The following ARHGAP32 variants were observed in gnomAD, a reference collection of about 807,000 sequenced individuals.
ARHGAP32 encodes Rho GTPase activating protein 32.
ARHGAP32 carries 51 observed loss-of-function variants against 186.5 expected under a neutral mutation model. That is an observed-to-expected ratio of 0.27 (90% CI 0.22 to 0.35). The LOEUF (loss-of-function observed/expected upper bound fraction) is 0.35. ARHGAP32 is among the 10% of genes least tolerant of loss of function. The pLI is 1.00. For synonymous variants in ARHGAP32, 950 were observed against 964.3 expected (o/e 0.99, Z 0.27); for missense variants, 2,186 against 2,623.5 (o/e 0.83, Z 3.64).
chr11:129,259,706 C>G (rs984970411), intron 1 of ARHGAP32, among the ~76,000 whole-genome samples: 2 of 152,126 alleles, frequency 1.3e-5, no homozygotes, highest in African/African-American at 4.8e-5. Context: ...ACCTACCAGC[C>G]TTGTCAATGC....
rs904055008 is a variant in ARHGAP32, at chr11:129,010,019, C to T, written c.1046-11551G>A. On this transcript the variant is annotated intron_variant, in intron 11 of 22. Coordinates refer to ENST00000682385, the MANE Select transcript of ARHGAP32 (RefSeq NM_001378024.1). ...TTTTAATAATCGCCATTCTGACTGG[C>T]GTGAGATGGTATCTCATTGTGGTTT... Among the ~76,000 whole-genome samples, 6 of 152,258 alleles carry T rather than the reference C, an allele frequency of 3.9e-5. No individual in the cohort carries two copies. The East Asian group carries it at 9.7e-4, about 24-fold the overall frequency.
At chr11:129,016,315 T>C (rs1938335044) in intron 11 of ARHGAP32, among the ~76,000 whole-genome samples, 2 of 152,220 alleles carry the variant, frequency 1.3e-5, no homozygotes, top group South Asian at 2.1e-4. Context: ...CTATGGTTTA[T>C]CTTTTATTGC....
upstream of ARHGAP32, among the ~76,000 whole-genome samples, chr11:129,193,597 A>ATATAATATATAATATATGT (rs1565464656): frequency 2.9e-5 from 1 of 33,998 alleles, no homozygotes; most frequent in Non-Finnish European, 5.5e-5. Context: ...AATATATGTT[A>ATATAATATATAATATATGT]TATATAATAT....
At chr11:129,106,747 G>C (rs1237943466) in intron 5 of ARHGAP32, among the ~76,000 whole-genome samples, 3 of 151,898 alleles carry the variant, frequency 2.0e-5, no homozygotes, top group Non-Finnish European at 4.4e-5. Context: ...GAAGAAGAAA[G>C]AATCAGTCAC....
chr11:129,200,894 T>C (rs929033720), intron 1 of ARHGAP32, among the ~76,000 whole-genome samples: 1 of 152,140 alleles, frequency 6.6e-6, no homozygotes. Context: ...TGTAAATCTC[T>C]GGCTTTTAAA....
chr11:128,986,847 T>C (rs1467092494), intron 13 of ARHGAP32, among the ~76,000 whole-genome samples, 179 bp from the exon 14 acceptor site: 2 of 152,222 alleles, frequency 1.3e-5, no homozygotes, highest in African/African-American at 2.4e-5. Context: ...CTGGATGTCT[T>C]AGTACAAGAT....
chr11:129,086,489 G>A (rs1941396990), intron 6 of ARHGAP32, among the ~76,000 whole-genome samples: 1 of 152,160 alleles, frequency 6.6e-6, no homozygotes. Flanking sequence ...TCAAGAGAAT[G>A]AGAACATAAG....
chr11:129,145,251 T>C (rs957727689), intron 2 of ARHGAP32, among the ~76,000 whole-genome samples: 5 of 152,044 alleles, frequency 3.3e-5, no homozygotes, highest in Admixed American at 6.6e-5. Context: ...ATGATACTGA[T>C]CTCTTTCTAC....
At chr11:129,127,245 A>G (rs543869213) in intron 2 of ARHGAP32, among the ~76,000 whole-genome samples, 2 of 152,340 alleles carry the variant, frequency 1.3e-5, no homozygotes, top group East Asian at 3.9e-4. Context: ...CTGTAGATGG[A>G]AACATGACCC....
At chr11:129,076,511 A>G (rs867701177) in intron 6 of ARHGAP32, among the ~76,000 whole-genome samples, 8 of 152,352 alleles carry the variant, frequency 5.3e-5, no homozygotes, top group Middle Eastern at 3.4e-3. Flanking sequence ...CTATTAGTCA[A>G]TAATAGAAAA....
intron 1 of ARHGAP32, among the ~76,000 whole-genome samples, chr11:129,165,133 A>C (rs2135489713): frequency 6.6e-6 from 1 of 152,260 alleles, no homozygotes. Flanking sequence ...AGTAGGGAGG[A>C]ATTCAGGATG....
At chr11:129,052,292 C>T (rs139075501) in intron 10 of ARHGAP32, among the ~76,000 whole-genome samples, 1 of 152,304 alleles carries the variant, frequency 6.6e-6, no homozygotes, top group East Asian at 1.9e-4. Context: ...CAATACCACA[C>T]TCTCTTGAAA....
At chr11:129,007,528 G>C (rs559293226) in intron 11 of ARHGAP32, among the ~76,000 whole-genome samples, 6 of 152,130 alleles carry the variant, frequency 3.9e-5, no homozygotes, top group African/African-American at 1.2e-4. Context: ...AGCTAGGCTA[G>C]AATGGGGGCC....
intron 15 of ARHGAP32, 125 bp downstream of exon 15, chr11:128,985,878 A>ATATATC (rs1945858832): frequency 8.0e-6 from 2 of 250,526 alleles, no homozygotes; most frequent in Admixed American, 1.2e-4. Context: ...ATATATATAT[A>ATATATC]TATATATGAA....
intron 13 of ARHGAP32, among the ~76,000 whole-genome samples, chr11:128,987,503 T>C (rs566650188): frequency 6.6e-6 from 1 of 152,278 alleles, no homozygotes; most frequent in South Asian, 2.1e-4. Flanking sequence ...GAAAGGGTAA[T>C]GGCATGTCAA....
chr11:129,164,485 C>A, intron 1 of ARHGAP32, 58 bp from the exon 2 acceptor site: 1 of 973,156 alleles, frequency 1.0e-6, no homozygotes, highest in Non-Finnish European at 1.5e-6. Context: ...GAAAGCCTTC[C>A]AATGATCACA....
chr11:129,148,603 C>T (rs1052492388), intron 2 of ARHGAP32, among the ~76,000 whole-genome samples: 4 of 152,104 alleles, frequency 2.6e-5, no homozygotes, highest in African/African-American at 4.8e-5. Flanking sequence ...TCTGACTGGG[C>T]GTGAATTTCC....
At chr11:129,278,844 C>CCGGGGCGGAGAGCGCTGCGG (rs1342106276) in intron 1 of ARHGAP32, among the ~76,000 whole-genome samples, 1 of 151,026 alleles carries the variant, frequency 6.6e-6, no homozygotes, top group Non-Finnish European at 1.5e-5. Context: ...CGCCTTGGGC[C>CCGGGGCGGAGAGCGCTGCGG]CGGGGCGGAG....
In ARHGAP32 at chr11:128,973,156, G is replaced by T; in HGVS notation, c.3350C>A (p.Pro1117Gln). The T allele has an allele frequency of 6.2e-7, 1 of 1,614,158 alleles. No homozygotes were observed. The highest frequency in any genetic ancestry group is 1.1e-5 in the South Asian group (1 of 91,084). Residue 1117 changes from proline to glutamine, a missense_variant, in exon 22 of 23, where the codon CCA (proline) becomes CAA (glutamine). Physicochemically the swap from Pro to Gln is moderately conservative, Grantham distance 76. Around this residue, in one of 5 missense-constraint regions of ARHGAP32, gnomAD observed 1,502 missense variants for 1,570.0 expected, o/e 0.96. Transcript: ENST00000682385. ...ATTCTGGAGGTGGAACTGCTCTGCT[G>T]GTCGATCGGTTTGGAAATAGGCCTT... ...LDKAYFQTDR[P>Q]AEQFHLQNNA...
Sources: allele counts gnomAD v4.1 joint callset (sites outside exome capture counted in the v4.1 genomes callset), GRCh38; gene constraint gnomAD v4.1.1; regional missense constraint gnomAD v4.1.1; transcripts MANE v1.5; gene names NCBI Gene and HGNC (gene_info 2026-07-23, HGNC 2026-07-21).